Variants in STK35 observed in about 807,000 individuals in gnomAD.
The protein encoded by STK35 is serine/threonine-protein kinase 35.
A neutral mutation model predicts 37.3 loss-of-function variants in STK35; 17 were observed. The observed-to-expected ratio is 0.46, with a 90% confidence interval of 0.31 to 0.68. The LOEUF is 0.68. Ranked by LOEUF, STK35 falls within the 30% of genes least tolerant of loss-of-function variation. The probability of loss-of-function intolerance (pLI) is 0.05; values close to 1 mark genes in which losing one functional copy is unlikely to be tolerated. For synonymous variants in STK35, 385 were observed against 319.1 expected (o/e 1.21, Z -2.20); for missense variants, 595 against 746.7 (o/e 0.80, Z 2.37).
chr20:2,131,883 CCTT>C lies in STK35; in HGVS notation c.*38-11897_*38-11895del, dbSNP rs370742745. On this transcript the variant is annotated intron_variant, in intron 3 of 3. Coordinates refer to ENST00000381482, the MANE Select transcript of STK35 (RefSeq NM_080836.4). ...ACAAGCCTGAGCCACCGTGCCTGGC[CCTT>C]CTTTCTTCATATCCTTATTCTGTAT... 2.0e-3 allele frequency among the ~76,000 whole-genome samples: 300 copies of C among 152,022 alleles called. 2 individuals are homozygous for C. The highest frequency in any genetic ancestry group is 0.01 in the Middle Eastern group (3 of 294).
At chr20:2,112,585 C>T (rs1031184030) in intron 2 of STK35, among the ~76,000 whole-genome samples, 4 of 152,144 alleles carry the variant, frequency 2.6e-5, no homozygotes, top group African/African-American at 9.7e-5. Context: ...TCCTATCCCC[C>T]CCAGTTACTC....
chr20:2,117,480 GGCT>G lies in STK35; in HGVS notation c.*37+67_*37+69del. 1 of 935,040 alleles carries G rather than the reference GGCT, an allele frequency of 1.1e-6. No individual in the cohort carries two copies. Among genetic ancestry groups the G allele is most frequent in the Middle Eastern group, 3.4e-4 (1 of 2,910 alleles). The allele number at this position is 935,040 out of a possible 1,614,324, so 57.9% of individuals were successfully genotyped here. ...AGACAGGGTCTCACTCTGTTGGTCA[GGCT>G]GGGGTGCAGCGGGTGCAGTGGCAGG... On this transcript the variant is annotated intron_variant, in intron 3 of 3. Coordinates refer to ENST00000381482, the MANE Select transcript of STK35 (RefSeq NM_080836.4). The surrounding 1 kb of genome is among the most constrained non-coding windows in gnomAD (Gnocchi z 4.4).
In STK35 at chr20:2,117,570, G is replaced by C. The variant is rs1392279664; in HGVS notation, c.*37+155G>C. ...AGTGATTCTCGTGCCTCAGCCACCT[G>C]GGTAGCTGGGATTACAGGCACCTGC... On this transcript the variant is annotated intron_variant, in intron 3 of 3. Transcript: ENST00000381482. The surrounding 1 kb of genome is among the most constrained non-coding windows in gnomAD (Gnocchi z 4.4). 6.6e-6 allele frequency among the ~76,000 whole-genome samples: 1 copy of C among 152,166 alleles called. No homozygotes were observed. Among genetic ancestry groups the C allele is most frequent in the Non-Finnish European group, 1.5e-5 (1 of 68,028 alleles).
rs570962062 is a variant in STK35 at position 2,143,830 on chromosome 20, C to T, written c.*84C>T. 95 of 417,922 alleles carry T rather than the reference C, an allele frequency of 2.3e-4. No homozygotes were observed. Among genetic ancestry groups the T allele is most frequent in the Middle Eastern group, 1.7e-3 (5 of 2,874 alleles). The allele number at this position is 417,922 out of a possible 1,614,324, so 25.9% of individuals were successfully genotyped here. ...GTCTCACCACGTCTCCTCCAGAGGA[C>T]GGCAGAGGGTACAGGTGGTGGCCTG... On this transcript the variant is annotated 3_prime_UTR_variant, in exon 4 of 4. Coordinates refer to ENST00000381482, the MANE Select transcript of STK35 (RefSeq NM_080836.4).
intron 3 of STK35, among the ~76,000 whole-genome samples, chr20:2,130,845 CT>C (rs1207187282): frequency 1.3e-5 from 2 of 152,064 alleles, no homozygotes; most frequent in African/African-American, 4.8e-5. Context: ...GGGGAAGGGG[CT>C]TTGGAGTCAC....
chr20:2,102,686 G>A (rs913797422), intron 1 of STK35, 82 bp from the exon 2 acceptor site: 2 of 1,236,854 alleles, frequency 1.6e-6, no homozygotes, highest in Non-Finnish European at 2.1e-6. Flanking sequence ...GGCCGGGGGA[G>A]GAGGAGGTGG....
At chr20:2,113,824 T>C (rs995671098) in intron 2 of STK35, among the ~76,000 whole-genome samples, 2 of 152,194 alleles carry the variant, frequency 1.3e-5, no homozygotes, top group South Asian at 4.1e-4. Context: ...TCATGTGGTA[T>C]AGTTTCATTC....
At position 2,116,803 on chromosome 20, in the gene STK35, C is replaced by A; in HGVS notation, c.1030C>A (p.Leu344Met). Residue 344 changes from leucine (L) to methionine (M), a missense_variant, in exon 3 of 4, where the codon CTG becomes ATG. Physicochemically the swap from Leu to Met is conservative, Grantham distance 15 (BLOSUM62 2). Around this residue, in one of 3 missense-constraint regions of STK35, gnomAD observed 109 missense variants for 280.3 expected, o/e 0.39. Transcript: ENST00000381482. ...CACCAACAAAAGTTTCATGCTACAG[C>A]TGACGAGCGCCATTGCCTTCCTGCA... Reference protein sequence around the residue: ...PATNKSFMLQLTSAIAFLHKN... With the variant: ...PATNKSFMLQMTSAIAFLHKN... 2 of 1,614,176 alleles carry A rather than the reference C, an allele frequency of 1.2e-6. No homozygotes were observed. Among genetic ancestry groups the A allele is most frequent in the Non-Finnish European group, 1.7e-6 (2 of 1,180,044 alleles).
At chr20:2,123,772 G>GTCCAC (rs1174819634) in intron 3 of STK35, among the ~76,000 whole-genome samples, 1 of 152,132 alleles carries the variant, frequency 6.6e-6, no homozygotes, top group African/African-American at 2.4e-5. Flanking sequence ...TACTAAATAG[G>GTCCAC]TCCACTCTAT....
In STK35 at chr20:2,117,028, G is replaced by A. The variant is rs1568575984; in HGVS notation, c.1255G>A (p.Asp419Asn). ...KYWLSSACGS[D>N]FYMAPEVWEG... is the part of the protein sequence containing the mutation. Reference sequence around the variant, plus strand: ...CTGGCTGTCCTCAGCCTGCGGTTCGGACTTCTACATGGCTCCTGAAGTCTG... The same window carrying A: ...CTGGCTGTCCTCAGCCTGCGGTTCGAACTTCTACATGGCTCCTGAAGTCTG... The change falls in exon 3 of 4, where the codon GAC becomes AAC. Residue 419 changes from aspartate to asparagine, a missense_variant. Physicochemically the swap from Asp to Asn is conservative, Grantham distance 23. This residue lies in a region of STK35 where 109 missense variants were observed against 280.3 expected (regional missense o/e 0.39). Coordinates refer to ENST00000381482, the MANE Select transcript of STK35 (RefSeq NM_080836.4). The surrounding 1 kb of genome is among the most constrained non-coding windows in gnomAD (Gnocchi z 4.4). 1.2e-6 allele frequency: 2 copies of A among 1,614,078 alleles called. No homozygotes were observed. The highest frequency in any genetic ancestry group is 1.7e-6 in the Non-Finnish European group (2 of 1,180,036).
At chr20:2,108,962 A>G (rs554381216) in intron 2 of STK35, among the ~76,000 whole-genome samples, 1 of 152,322 alleles carries the variant, frequency 6.6e-6, no homozygotes, top group Admixed American at 6.5e-5. Context: ...CATATTCTGC[A>G]TACCCTACTA....
At chr20:2,108,976 C>T (rs1297823228) in intron 2 of STK35, among the ~76,000 whole-genome samples, 1 of 152,198 alleles carries the variant, frequency 6.6e-6, no homozygotes. Flanking sequence ...CCTACTACTA[C>T]TTTCTGTGTT....
intron 2 of STK35, among the ~76,000 whole-genome samples, chr20:2,110,578 A>C (rs992319630): frequency 1.3e-5 from 2 of 151,812 alleles, no homozygotes; most frequent in African/African-American, 2.4e-5. Flanking sequence ...TTGGGTGGGG[A>C]GGCTTGTTTG....
intron 2 of STK35, among the ~76,000 whole-genome samples, chr20:2,107,609 T>C (rs951066259): frequency 2.6e-5 from 4 of 152,228 alleles, no homozygotes; most frequent in African/African-American, 4.8e-5. Flanking sequence ...GTTAGGGGCA[T>C]TGGGGAAGCA....
Position 2,117,467 on chromosome 20 carries a change from ACT to A in STK35, c.*37+55_*37+56del, listed in dbSNP as rs1331532343. On this transcript the variant is annotated intron_variant, in intron 3 of 3. Transcript: ENST00000381482. This position sits in a 1 kb window ranked among gnomAD's most constrained non-coding sequence, Gnocchi z 4.4. ...GTTTTTTGTTTTGAGACAGGGTCTC[ACT>A]CTGTTGGTCAGGCTGGGGTGCAGCG... 9.2e-7 allele frequency: 1 copy of A among 1,088,166 alleles called. No individual in the cohort carries two copies. Among genetic ancestry groups the A allele is most frequent in the East Asian group, 2.5e-5 (1 of 39,690 alleles). 67.4% of individuals were successfully genotyped at this position (1,088,166 alleles called of 1,614,324 possible).
rs568815347 is a variant in STK35, at chr20:2,144,488, G to A, written c.*742G>A. On this transcript the variant is annotated 3_prime_UTR_variant, in exon 4 of 4. Transcript: ENST00000381482. ...CCCAGGCCACACCAGGACTTGCAGT[G>A]GTGGGAATCCATTCCTCTTCTGCCC... 3 of 154,012 alleles carry A rather than the reference G, an allele frequency of 1.9e-5. No homozygotes were observed. The highest frequency in any genetic ancestry group is 1.9e-4 in the Admixed American group (3 of 15,474). 9.5% of individuals were successfully genotyped at this position (154,012 alleles called of 1,614,324 possible).
chr20:2,137,140 T>G (rs1986100856), intron 3 of STK35, among the ~76,000 whole-genome samples: 1 of 152,202 alleles, frequency 6.6e-6, no homozygotes, highest in African/African-American at 2.4e-5. Flanking sequence ...TTTTTTTGGA[T>G]GTGATTTGCA....
chr20:2,110,473 A>G (rs1258004295), intron 2 of STK35, among the ~76,000 whole-genome samples: 1 of 152,116 alleles, frequency 6.6e-6, no homozygotes, highest in Non-Finnish European at 1.5e-5. Flanking sequence ...ACTCATTCTC[A>G]TTCTTGGACA....
In STK35 at chr20:2,146,750, C is replaced by G. The variant is rs1986276014; in HGVS notation, c.*3004C>G. 6.5e-6 allele frequency: 1 copy of G among 152,798 alleles called. No homozygotes were observed. Among genetic ancestry groups the G allele is most frequent in the African/African-American group, 2.4e-5 (1 of 41,448 alleles). 9.5% of individuals were successfully genotyped at this position (152,798 alleles called of 1,614,324 possible). On this transcript the variant is annotated 3_prime_UTR_variant, in exon 4 of 4. Coordinates refer to ENST00000381482, the MANE Select transcript of STK35 (RefSeq NM_080836.4). ...CTCTTCCTGAGGGCTGTAGCCAGGT[C>G]CGCATCTCCCCACCACCACCAGGGC...
Sources: gnomAD v4.1 joint callset for allele counts (sites outside exome capture counted in the v4.1 genomes callset) on GRCh38, gnomAD v4.1.1 for gene constraint, gnomAD v4.1.1 regional missense constraint, Gnocchi (gnomAD v3.1) non-coding constraint, MANE v1.5 for transcripts, NCBI Gene and HGNC (gene_info 2026-07-23, HGNC 2026-07-21) for gene names.